PIN4: variants seen among roughly 807,000 people sequenced by gnomAD.
PIN4 encodes the protein peptidyl-prolyl cis-trans isomerase NIMA-interacting 4.
In PIN4, 3 loss-of-function variants were observed where a neutral mutation model predicts 8.3. That is an observed-to-expected ratio of 0.36 (90% CI 0.16 to 0.93). PIN4 has a LOEUF of 0.93. Ranked by LOEUF, PIN4 falls within the 40% of genes least tolerant of loss-of-function variation. The probability of loss-of-function intolerance (pLI) is 0.44; values close to 1 mark genes in which losing one functional copy is unlikely to be tolerated. For synonymous variants in PIN4, 18 were observed against 32.5 expected, an observed-to-expected ratio of 0.55 and a Z score of 1.52; for missense variants, 75 against 100.6, an observed-to-expected ratio of 0.75 and a Z score of 1.09.
At chrX:72,228,680 G>T (rs761900283) in intron 3 of PIN4, among the ~76,000 whole-genome samples, 1 of 111,045 alleles carries the variant, frequency 9.0e-6, no homozygotes, top group South Asian at 3.9e-4. Context: ...CTGTTCTATG[G>T]GACCTATGGC....
chrX:72,243,197 C>T (rs980499802), intron 3 of PIN4, among the ~76,000 whole-genome samples: 18 of 110,276 alleles, frequency 1.6e-4, no homozygotes, highest in African/African-American at 5.0e-4. Context: ...TGCCTGTAAT[C>T]TCAGCTACTC....
intron 3 of PIN4, chrX:72,207,258 T>C: frequency 8.3e-7 from 1 of 1,211,568 alleles, no homozygotes; most frequent in Non-Finnish European, 1.1e-6. Flanking sequence ...CGATTCGCAA[T>C]GTCTTAAAGT....
intron 1 of PIN4, among the ~76,000 whole-genome samples, chrX:72,183,036 A>G (rs1475538046): frequency 8.9e-6 from 1 of 111,935 alleles, no homozygotes; most frequent in Admixed American, 9.5e-5. Flanking sequence ...CTGAGAAAAG[A>G]GAAAAGATTC....
At chrX:72,231,236 T>C (rs1301215351) in intron 3 of PIN4, among the ~76,000 whole-genome samples, 1 of 112,171 alleles carries the variant, frequency 8.9e-6, no homozygotes, top group Non-Finnish European at 1.9e-5. Context: ...GAAAAATTAT[T>C]CAGCCGTTAA....
At chrX:72,259,293 A>C (rs1217975349) in intron 3 of PIN4, among the ~76,000 whole-genome samples, 1 of 102,755 alleles carries the variant, frequency 9.7e-6, no homozygotes, top group Non-Finnish European at 1.9e-5. Flanking sequence ...ATCTTTGCTC[A>C]CTGCAACCTC....
chrX:72,185,895 T>C (rs1288288805), intron 1 of PIN4, among the ~76,000 whole-genome samples: 1 of 112,473 alleles, frequency 8.9e-6, no homozygotes, highest in Non-Finnish European at 1.9e-5. Context: ...TTGTGGTACA[T>C]GATAGAACTC....
chrX:72,223,781 A>G (rs754101260), intron 3 of PIN4, among the ~76,000 whole-genome samples: 2 of 111,750 alleles, frequency 1.8e-5, no homozygotes, highest in South Asian at 7.6e-4. Flanking sequence ...AAAAGCCTCC[A>G]GACAACCCCA....
At chrX:72,255,273 A>AAATAAT (rs760269851) in intron 3 of PIN4, among the ~76,000 whole-genome samples, 3,650 of 96,348 alleles carry the variant, frequency 0.038, 120 homozygotes, top group African/African-American at 0.1. Flanking sequence ...CCATCTCTAA[A>AAATAAT]AATAATAATA....
At chrX:72,259,013 G>A (rs2147619382) in intron 3 of PIN4, among the ~76,000 whole-genome samples, 1 of 111,457 alleles carries the variant, frequency 9.0e-6, no homozygotes, top group East Asian at 2.8e-4. Flanking sequence ...TTTTTCCTGT[G>A]ATGACTACTT....
intron 2 of PIN4, among the ~76,000 whole-genome samples, chrX:72,188,008 A>G (rs998872476): frequency 3.0e-5 from 3 of 98,944 alleles, no homozygotes; most frequent in Non-Finnish European, 6.1e-5. Context: ...CAATGAACCT[A>G]TGCCCCACAG....
chrX:72,201,890 T>C (rs748739813), downstream of PIN4, among the ~76,000 whole-genome samples: 4 of 112,852 alleles, frequency 3.5e-5, no homozygotes, highest in Non-Finnish European at 5.6e-5. Context: ...AAGGGATTTA[T>C]TGAAAACGAA....
chrX:72,198,543 C>A (rs1168511999), downstream of PIN4, among the ~76,000 whole-genome samples: 2 of 112,216 alleles, frequency 1.8e-5, no homozygotes, highest in African/African-American at 6.5e-5. Flanking sequence ...CAGAGAAGTT[C>A]AAATAGATAT....
intron 3 of PIN4, among the ~76,000 whole-genome samples, chrX:72,218,497 T>C (rs181262380): frequency 0.019 from 1,972 of 103,367 alleles, 57 homozygotes; most frequent in African/African-American, 0.066. Context: ...TTCTTTCTCT[T>C]TTTTTTTTTT....
At chrX:72,186,388 C>T (rs749259442) in intron 1 of PIN4, 73 bp from the exon 2 acceptor site, 10 of 682,895 alleles carry the variant, frequency 1.5e-5, no homozygotes, top group African/African-American at 2.2e-5. Flanking sequence ...ATATCCACTC[C>T]GGTTGTGTGT....
intron 3 of PIN4, among the ~76,000 whole-genome samples, chrX:72,254,208 T>G (rs1168676246): frequency 1.8e-5 from 2 of 111,651 alleles, no homozygotes; most frequent in Non-Finnish European, 3.8e-5. Flanking sequence ...TTTCTGTTCT[T>G]TGAACAACCA....
intron 3 of PIN4, among the ~76,000 whole-genome samples, chrX:72,252,461 G>A (rs1263632786): frequency 9.1e-6 from 1 of 109,980 alleles, no homozygotes; most frequent in East Asian, 2.9e-4. Flanking sequence ...TCAGCTCACT[G>A]CAACCCCTGC....
At chrX:72,185,237 A>T (rs761863020) in intron 1 of PIN4, among the ~76,000 whole-genome samples, 1 of 109,891 alleles carries the variant, frequency 9.1e-6, no homozygotes, top group African/African-American at 3.3e-5. Flanking sequence ...AAAGGCCTCA[A>T]TGCCCTGACC....
At chrX:72,259,771 C>A (rs1486974093) in intron 3 of PIN4, among the ~76,000 whole-genome samples, 1 of 93,205 alleles carries the variant, frequency 1.1e-5, no homozygotes, top group Non-Finnish European at 2.1e-5. Flanking sequence ...CGCTCTATTG[C>A]CCAGGCTGGA....
intron 3 of PIN4, 184 bp downstream of exon 3, chrX:72,197,088 G>A (rs1208114997): frequency 1.3e-5 from 6 of 476,715 alleles, no homozygotes; most frequent in Non-Finnish European, 1.7e-5. Context: ...AAGCAGAAAT[G>A]TCCAACTTGT....
Sources: gnomAD v4.1 joint callset for allele counts (sites outside exome capture counted in the v4.1 genomes callset) on GRCh38, gnomAD v4.1.1 for gene constraint, MANE v1.5 for transcripts, NCBI Gene and HGNC (gene_info 2026-07-23, HGNC 2026-07-21) for gene names.